ROR1: variants seen among roughly 807,000 people sequenced by gnomAD.
The protein encoded by ROR1 is inactive tyrosine-protein kinase transmembrane receptor ROR1.
A neutral mutation model predicts 78.8 loss-of-function variants in ROR1; 19 were observed. The observed-to-expected ratio is 0.24, with a 90% CI of 0.17 to 0.35. ROR1 has a LOEUF of 0.35. Ranked by LOEUF, ROR1 falls within the 10% of genes least tolerant of loss-of-function variation. ROR1 has a pLI of 1.00. For missense variants in ROR1, 917 were observed against 1,177.8 expected (o/e 0.78, Z 3.24); for synonymous variants, 386 against 433.6 (o/e 0.89, Z 1.36).
intron 2 of ROR1, among the ~76,000 whole-genome samples, chr1:64,046,365 T>G (rs912363): frequency 0.67 from 101,357 of 152,054 alleles, 36,827 homozygotes; most frequent in East Asian, 0.89. Context: ...CAGTGAAAAG[T>G]TAAAACCAAA....
chr1:63,963,939 C>G (rs1002376407), intron 1 of ROR1, among the ~76,000 whole-genome samples: 1 of 152,150 alleles, frequency 6.6e-6, no homozygotes, highest in African/African-American at 2.4e-5. Flanking sequence ...GACCGTGAAG[C>G]TACTGTATCA....
At chr1:63,838,342 C>T (rs1645030954) in intron 1 of ROR1, among the ~76,000 whole-genome samples, 1 of 151,896 alleles carries the variant, frequency 6.6e-6, no homozygotes, top group Non-Finnish European at 1.5e-5. Flanking sequence ...GCATTGTTAT[C>T]ATAGCAGATG....
chr1:63,860,562 TACACACACACAC>T (rs68153450), intron 1 of ROR1, among the ~76,000 whole-genome samples: 67 of 126,604 alleles, frequency 5.3e-4, no homozygotes, highest in Non-Finnish European at 7.3e-4. Context: ...CTACTAAAAA[TACACACACACAC>T]ACACACACAC....
intron 1 of ROR1, among the ~76,000 whole-genome samples, chr1:63,913,603 A>G (rs899260269): frequency 6.6e-6 from 1 of 152,132 alleles, no homozygotes; most frequent in African/African-American, 2.4e-5. Flanking sequence ...GGACAGGCTT[A>G]TTTTGGACTG....
At chr1:63,781,557 G>A (rs1644651453) in intron 1 of ROR1, among the ~76,000 whole-genome samples, 1 of 152,162 alleles carries the variant, frequency 6.6e-6, no homozygotes, top group Admixed American at 6.5e-5. Flanking sequence ...GTGAATTATA[G>A]GAAAGAGTTG....
intron 1 of ROR1, among the ~76,000 whole-genome samples, chr1:63,826,967 G>A (rs573016464): frequency 7.9e-5 from 12 of 152,062 alleles, no homozygotes; most frequent in African/African-American, 2.7e-4. Flanking sequence ...AATTTGGTAC[G>A]TATACACCAT....
chr1:63,989,728 C>T (rs1646280008), intron 1 of ROR1, among the ~76,000 whole-genome samples: 1 of 152,102 alleles, frequency 6.6e-6, no homozygotes, highest in Non-Finnish European at 1.5e-5. Flanking sequence ...CTAGATCTCT[C>T]ATCATGTATA....
At chr1:64,082,004 A>G (rs577013686) in intron 4 of ROR1, among the ~76,000 whole-genome samples, 1 of 152,342 alleles carries the variant, frequency 6.6e-6, no homozygotes, top group South Asian at 2.1e-4. Context: ...AGCAGAGCAT[A>G]TAACTCTCAA....
intron 1 of ROR1, among the ~76,000 whole-genome samples, chr1:63,924,251 G>A (rs1645680801): frequency 6.6e-6 from 1 of 152,058 alleles, no homozygotes; most frequent in Admixed American, 6.6e-5. Flanking sequence ...TGTATTTGTT[G>A]ACAGTTTATC....
At chr1:63,843,150 G>A (rs1430280779) in intron 1 of ROR1, 5 of 891,346 alleles carry the variant, frequency 5.6e-6, no homozygotes, top group East Asian at 5.5e-5. Context: ...GAGGGCAGAT[G>A]TGGGGCTGCC....
rs1650513370 is a variant in ROR1 at position 64,180,229 on chromosome 1, A to G, written c.*1374A>G. The G allele has an allele frequency of 6.6e-6, 1 of 152,166 alleles. No homozygotes were observed. Among genetic ancestry groups the G allele is most frequent in the South Asian group, 2.1e-4 (1 of 4,834 alleles). The allele number at this position is 152,166 out of a possible 1,614,324, so 9.4% of individuals were successfully genotyped here. On this transcript the variant is annotated 3_prime_UTR_variant, in exon 9 of 9. Coordinates refer to ENST00000371079, the MANE Select transcript of ROR1 (RefSeq NM_005012.4). Reference sequence around the variant, plus strand: ...AGAATTCTTATGCGTTTCAAGTTCTATATAGAAAGTAATTTTACTTTTGAT... The same window carrying G: ...AGAATTCTTATGCGTTTCAAGTTCTGTATAGAAAGTAATTTTACTTTTGAT...
chr1:63,796,504 AT>A (rs1486636197), intron 1 of ROR1, among the ~76,000 whole-genome samples: 2 of 152,206 alleles, frequency 1.3e-5, no homozygotes, highest in African/African-American at 4.8e-5. Flanking sequence ...TGCTCTAGTA[AT>A]GTATTATTTT....
intron 1 of ROR1, among the ~76,000 whole-genome samples, chr1:63,931,486 A>G (rs557752379): frequency 3.9e-5 from 6 of 152,270 alleles, no homozygotes; most frequent in African/African-American, 1.4e-4. Context: ...TTTGCTTTCC[A>G]GGGTTTCAGT....
chr1:64,138,165 A>G (rs1414978405), intron 5 of ROR1, among the ~76,000 whole-genome samples: 2 of 152,236 alleles, frequency 1.3e-5, no homozygotes, highest in African/African-American at 4.8e-5. Context: ...TCTGGTGGTT[A>G]CAGCAGCTTT....
At chr1:64,027,442 T>C (rs1646621388) in intron 2 of ROR1, among the ~76,000 whole-genome samples, 1 of 152,222 alleles carries the variant, frequency 6.6e-6, no homozygotes, top group African/African-American at 2.4e-5. Flanking sequence ...TTGTTGACTT[T>C]TAATCAATGG....
intron 1 of ROR1, among the ~76,000 whole-genome samples, chr1:63,841,105 T>G (rs915552193): frequency 1.3e-5 from 2 of 152,238 alleles, no homozygotes; most frequent in African/African-American, 4.8e-5. Flanking sequence ...GATGGAGTAT[T>G]ATAATACATA....
chr1:64,013,745 A>G (rs1646495781), intron 2 of ROR1, among the ~76,000 whole-genome samples: 1 of 152,232 alleles, frequency 6.6e-6, no homozygotes, highest in Non-Finnish European at 1.5e-5. Context: ...GGGGTACCGT[A>G]TTAGCCTATG....
intron 1 of ROR1, among the ~76,000 whole-genome samples, chr1:63,852,976 T>G (rs919858963): frequency 4.6e-5 from 7 of 152,190 alleles, no homozygotes; most frequent in African/African-American, 1.7e-4. Context: ...ATTATTATTA[T>G]AAGTAAGATT....
At chr1:63,885,010 TC>T (rs771480203) in intron 1 of ROR1, among the ~76,000 whole-genome samples, 1 of 152,146 alleles carries the variant, frequency 6.6e-6, no homozygotes, top group Non-Finnish European at 1.5e-5. Flanking sequence ...GTCTCTAATT[TC>T]CACTCTAAAA....
Sources: gnomAD v4.1 joint callset for allele counts (sites outside exome capture counted in the v4.1 genomes callset) on GRCh38, gnomAD v4.1.1 for gene constraint, MANE v1.5 for transcripts, NCBI Gene and HGNC (gene_info 2026-07-23, HGNC 2026-07-21) for gene names.